Variants in RBFOX1 observed in about 807,000 individuals in gnomAD.
RBFOX1 encodes the protein RNA binding protein fox-1 homolog 1.
A neutral mutation model predicts 57.7 loss-of-function variants in RBFOX1; 8 were observed. The observed-to-expected ratio is 0.14, with a 90% confidence interval of 0.08 to 0.25. The LOEUF (loss-of-function observed/expected upper bound fraction) is 0.25, where lower values mean the gene tolerates loss of function less well. Ranked by LOEUF, RBFOX1 falls within the 10% of genes least tolerant of loss-of-function variation. The probability of loss-of-function intolerance (pLI) is 1.00; values close to 1 mark genes in which losing one functional copy is unlikely to be tolerated. For synonymous variants in RBFOX1, 326 were observed against 222.4 expected (o/e 1.47, Z -4.15); for missense variants, 611 against 548.5 (o/e 1.11, Z -1.14).
At chr16:6,304,109 C>G (rs1009825369) in intron 1 of RBFOX1, among the ~76,000 whole-genome samples, 12 of 151,628 alleles carry the variant, frequency 7.9e-5, no homozygotes, top group African/African-American at 2.4e-4. Context: ...TGCGCCCAGC[C>G]CAAACCCCAT....
intron 3 of RBFOX1, among the ~76,000 whole-genome samples, chr16:5,609,146 G>A (rs958557751): frequency 6.6e-6 from 1 of 152,118 alleles, no homozygotes; most frequent in Non-Finnish European, 1.5e-5. Context: ...AGGGGAGAGG[G>A]CTCTGTGCTG....
intron 2 of RBFOX1, among the ~76,000 whole-genome samples, chr16:6,503,636 T>A (rs2096004470): frequency 6.6e-6 from 1 of 152,198 alleles, no homozygotes; most frequent in South Asian, 2.1e-4. Context: ...GCAAGCTAAC[T>A]TGAGTCTCAG....
intron 1 of RBFOX1, among the ~76,000 whole-genome samples, chr16:6,028,166 A>G (rs374936881): frequency 1.3e-5 from 2 of 152,148 alleles, no homozygotes. Flanking sequence ...GCTCACTTTT[A>G]CCACGTTGTA....
rs543177874 is a variant in RBFOX1 at position 7,610,522 on chromosome 16, C to T, written c.676+3184C>T. 5.3e-5 allele frequency among the ~76,000 whole-genome samples: 8 copies of T among 152,164 alleles called. 1 individual carries two copies. The highest frequency in any genetic ancestry group is 4.6e-4 in the Admixed American group (7 of 15,274). On this transcript the variant is annotated intron_variant, in intron 10 of 15. Transcript: ENST00000550418. ...ATGATTCCAGCTGCCACCACCACCA[C>T]CATATTCACAAGTGTTACATGACAA...
chr16:7,244,061 G>C (rs531003781), intron 4 of RBFOX1, among the ~76,000 whole-genome samples: 21 of 151,850 alleles, frequency 1.4e-4, no homozygotes, highest in African/African-American at 5.1e-4. Flanking sequence ...CAAGATTAAA[G>C]ATAATCATTA....
At chr16:5,630,559 C>T (rs2048475239) in intron 3 of RBFOX1, among the ~76,000 whole-genome samples, 2 of 152,176 alleles carry the variant, frequency 1.3e-5, no homozygotes, top group African/African-American at 2.4e-5. Context: ...CTGCAGGCCA[C>T]GTCAGGACCT....
intron 4 of RBFOX1, among the ~76,000 whole-genome samples, chr16:7,512,823 G>A (rs1315187499): frequency 2.0e-5 from 3 of 152,170 alleles, no homozygotes; most frequent in Admixed American, 6.5e-5. Context: ...CACTCCTTTC[G>A]AATGGTCACC....
intron 4 of RBFOX1, among the ~76,000 whole-genome samples, chr16:7,265,964 G>GTTTTTT (rs1204871254): frequency 2.8e-5 from 2 of 70,232 alleles, no homozygotes; most frequent in Admixed American, 1.6e-4. Flanking sequence ...GTGGGTTTTT[G>GTTTTTT]TTTTTTTTTT....
chr16:6,256,257 GTGTATATATATATGTATATATA>G (rs1567788796), intron 1 of RBFOX1, among the ~76,000 whole-genome samples: 1,315 of 98,766 alleles, frequency 0.013, 38 homozygotes, highest in African/African-American at 0.058. Context: ...GTATATATAT[GTGTATATATATATGTATATATA>G]TATGTGTGTA....
chr16:6,186,261 C>A (rs772614893), intron 1 of RBFOX1, among the ~76,000 whole-genome samples: 1 of 152,058 alleles, frequency 6.6e-6, no homozygotes, highest in African/African-American at 2.4e-5. Context: ...AAGAAATATA[C>A]AACTGATGAC....
chr16:6,565,635 T>G (rs573830344), intron 2 of RBFOX1, among the ~76,000 whole-genome samples: 1 of 150,062 alleles, frequency 6.7e-6, no homozygotes, highest in Admixed American at 6.7e-5. Context: ...GCCTGGCTAT[T>G]TTTTTGTATT....
rs546811308 is a variant in RBFOX1 at position 6,326,017 on chromosome 16, C to T, written c.-64+8960C>T. 4.6e-5 allele frequency among the ~76,000 whole-genome samples: 7 copies of T among 152,172 alleles called. No individual in the cohort carries two copies. The East Asian group carries it at 9.7e-4, about 21-fold the overall frequency. ...CCTCTCCCACTGACTGACTTGTGTG[C>T]GTGAGTGTGTGTGTGTGTACATGCA... On this transcript the variant is annotated intron_variant, in intron 2 of 15. Coordinates refer to ENST00000550418, the MANE Select transcript of RBFOX1 (RefSeq NM_018723.4).
At chr16:6,941,802 A>G (rs1477005303) in intron 3 of RBFOX1, among the ~76,000 whole-genome samples, 1 of 152,118 alleles carries the variant, frequency 6.6e-6, no homozygotes, top group Non-Finnish European at 1.5e-5. Context: ...CTATTGGAGG[A>G]CCTAACAAAT....
chr16:5,955,367 A>AAAAT (rs2059614494), intron 4 of RBFOX1, among the ~76,000 whole-genome samples: 42 of 42,508 alleles, frequency 9.9e-4, no homozygotes, highest in African/African-American at 6.5e-3. Flanking sequence ...AAAATAAAAT[A>AAAAT]AAATAAAATA....
intron 1 of RBFOX1, among the ~76,000 whole-genome samples, chr16:6,032,095 G>T (rs1321050594): frequency 1.3e-5 from 2 of 151,898 alleles, no homozygotes; most frequent in Non-Finnish European, 2.9e-5. Context: ...GAGACCCTTA[G>T]CCTCTTTCTT....
At chr16:5,921,995 A>C (rs991762566) in intron 4 of RBFOX1, among the ~76,000 whole-genome samples, 3 of 151,920 alleles carry the variant, frequency 2.0e-5, no homozygotes, top group South Asian at 2.1e-4. Flanking sequence ...TCACAAAAAA[A>C]AAACAAAAAA....
chr16:6,701,135 A>ACGTGTGTGTGTG (rs1555706825), intron 3 of RBFOX1, among the ~76,000 whole-genome samples: 2 of 149,114 alleles, frequency 1.3e-5, no homozygotes, highest in East Asian at 4.0e-4. Context: ...CTGTGTGTGT[A>ACGTGTGTGTGTG]TGTGTGTGTG....
intron 4 of RBFOX1, among the ~76,000 whole-genome samples, chr16:7,137,721 A>C (rs956161164): frequency 6.6e-6 from 1 of 152,212 alleles, no homozygotes; most frequent in Non-Finnish European, 1.5e-5. Flanking sequence ...CTTAACTCAA[A>C]GGAATAATGG....
At chr16:7,348,409 T>A (rs915281205) in intron 4 of RBFOX1, among the ~76,000 whole-genome samples, 3 of 149,368 alleles carry the variant, frequency 2.0e-5, no homozygotes, top group Non-Finnish European at 2.9e-5. Flanking sequence ...TTTTTTTTTT[T>A]ACCTCATGAA....
Sources: allele counts gnomAD v4.1 joint callset (sites outside exome capture counted in the v4.1 genomes callset), GRCh38; gene constraint gnomAD v4.1.1; transcripts MANE v1.5; gene names NCBI Gene and HGNC (gene_info 2026-07-23, HGNC 2026-07-21).